Variants in CTNNA1 observed in about 807,000 individuals in gnomAD.
The protein encoded by CTNNA1 is catenin alpha 1.
In CTNNA1, 37 loss-of-function variants were observed where a neutral mutation model predicts 98.4. The observed-to-expected ratio is 0.38, with a 90% confidence interval of 0.29 to 0.49. The LOEUF (loss-of-function observed/expected upper bound fraction) is 0.49, where lower values mean the gene tolerates loss of function less well. Ranked by LOEUF, CTNNA1 falls within the 20% of genes least tolerant of loss-of-function variation. The pLI, the probability that CTNNA1 is intolerant of heterozygous loss-of-function variation, is 0.95. For synonymous variants in CTNNA1, 404 were observed against 413.2 expected (o/e 0.98, Z 0.27); for missense variants, 761 against 1,147.2 (o/e 0.66, Z 4.86).
intron 7 of CTNNA1, among the ~76,000 whole-genome samples, chr5:138,885,581 T>C (rs1355664110): frequency 6.6e-6 from 1 of 152,192 alleles, no homozygotes; most frequent in Admixed American, 6.5e-5. Context: ...CATGCTGTTT[T>C]ACATACCACT....
intron 9 of CTNNA1, among the ~76,000 whole-genome samples, chr5:138,896,400 C>G (rs1001254353): frequency 6.6e-6 from 1 of 152,178 alleles, no homozygotes; most frequent in Non-Finnish European, 1.5e-5. Context: ...TGTGATTTTA[C>G]TTAAAAGCAA....
chr5:138,912,629 C>A (rs1309446091), intron 10 of CTNNA1, among the ~76,000 whole-genome samples: 1 of 152,190 alleles, frequency 6.6e-6, no homozygotes, highest in Admixed American at 6.5e-5. Flanking sequence ...ACCCTTGCCA[C>A]CCTTATGTCA....
chr5:138,926,466 C>T (rs560789925), intron 13 of CTNNA1, among the ~76,000 whole-genome samples: 1 of 152,330 alleles, frequency 6.6e-6, no homozygotes, highest in East Asian at 1.9e-4. Flanking sequence ...AACAGGCGTC[C>T]ACCCACCCAC....
rs1765141362 is a variant in CTNNA1, at chr5:138,930,815, C to T, written c.2193-15C>T. On this transcript the variant is annotated splice_polypyrimidine_tract_variant and intron_variant, in intron 15 of 17. Transcript: ENST00000302763. Reference sequence around the variant, plus strand: ...CTTCACATACAATAATCCTTGTTCTCTTCCCTCTTCTCAGAGGTAAAGGAC... The same window carrying T: ...CTTCACATACAATAATCCTTGTTCTTTTCCCTCTTCTCAGAGGTAAAGGAC... The T allele has an allele frequency of 6.4e-7, 1 of 1,563,866 alleles. No homozygotes were observed. The highest frequency in any genetic ancestry group is 8.8e-7 in the Non-Finnish European group (1 of 1,134,340).
chr5:138,809,076 A>T (rs1207058946), intron 3 of CTNNA1, among the ~76,000 whole-genome samples: 2 of 152,146 alleles, frequency 1.3e-5, no homozygotes, highest in Admixed American at 6.5e-5. Context: ...CCTCAAACAC[A>T]TGGGCTCAAG....
At chr5:138,875,067 T>C in intron 7 of CTNNA1, 1 of 668,836 alleles carries the variant, frequency 1.5e-6, no homozygotes, top group South Asian at 2.0e-5. Flanking sequence ...GGACGAGTTG[T>C]TTTTTCCTTA....
chr5:138,768,736 T>G (rs1346300984), intron 1 of CTNNA1, among the ~76,000 whole-genome samples: 5 of 151,986 alleles, frequency 3.3e-5, no homozygotes, highest in Non-Finnish European at 5.9e-5. Context: ...TCACTGTGCC[T>G]GGCTTGATGA....
At chr5:138,767,075 C>T (rs923212720) in intron 1 of CTNNA1, among the ~76,000 whole-genome samples, 34 of 152,234 alleles carry the variant, frequency 2.2e-4, no homozygotes, top group African/African-American at 7.5e-4. Flanking sequence ...CTCGCTCTGT[C>T]GTCCAGGCTG....
chr5:138,761,479 C>A (rs1828186), intron 1 of CTNNA1, among the ~76,000 whole-genome samples: 4,980 of 152,188 alleles, frequency 0.033, 231 homozygotes, highest in African/African-American at 0.1. Flanking sequence ...TCAAATGATC[C>A]GTCCGCCTCC....
rs1755343946 is a variant in CTNNA1 at position 138,783,365 on chromosome 5, A to G, written c.294A>G (p.Arg98=). 6.2e-7 allele frequency: 1 copy of G among 1,612,828 alleles called. No homozygotes were observed. The highest frequency in any genetic ancestry group is 1.3e-5 in the African/African-American group (1 of 74,898). ...TTGTGGCTGCTGTAGAAGATGTTCGAAAACAAGGTAGGTCATTACTGCTTT... is the reference window on the plus strand; with the variant it reads ...TTGTGGCTGCTGTAGAAGATGTTCGGAAACAAGGTAGGTCATTACTGCTTT... ...EELVAAVEDV[R]KQGDLMKAAA... The change falls in exon 3 of 18, where the codon CGA becomes CGG. Residue 98 remains arginine (R), a synonymous_variant. Coordinates refer to ENST00000302763, the MANE Select transcript of CTNNA1 (RefSeq NM_001903.5).
At chr5:138,818,235 A>G (rs540525750) in intron 5 of CTNNA1, among the ~76,000 whole-genome samples, 9 of 148,884 alleles carry the variant, frequency 6.0e-5, no homozygotes, top group African/African-American at 2.0e-4. Context: ...CAGCCTCCCA[A>G]ATTGCTGGGG....
chr5:138,924,578 G>A lies in CTNNA1; in HGVS notation c.1615G>A (p.Asp539Asn), dbSNP rs547329141. The A allele has an allele frequency of 6.2e-7, 1 of 1,614,060 alleles. No homozygotes were observed. The highest frequency in any genetic ancestry group is 1.1e-5 in the South Asian group (1 of 91,062). The change falls in exon 12 of 18, where the codon GAC (aspartate) becomes AAC (asparagine). Residue 539 changes from aspartate (D) to asparagine (N), a missense_variant. By Grantham distance (23) the Asp-to-Asn change is conservative. Transcript: ENST00000302763. ...ALQEKDVDGL[D>N]RTAGAIRGRA... ...CCAAGAGAAGGATGTGGATGGCCTG[G>A]ACCGCACAGCTGGTGCAATTCGAGG...
At chr5:138,825,368 T>C (rs976634412) in intron 6 of CTNNA1, among the ~76,000 whole-genome samples, 43 of 152,314 alleles carry the variant, frequency 2.8e-4, no homozygotes, top group African/African-American at 9.9e-4. Flanking sequence ...TCATAAATGA[T>C]GCGCTAGGTC....
At chr5:138,859,017 C>T (rs758210224) in intron 7 of CTNNA1, among the ~76,000 whole-genome samples, 85 of 152,214 alleles carry the variant, frequency 5.6e-4, no homozygotes, top group Non-Finnish European at 1.1e-3. Flanking sequence ...GACTTGAGAA[C>T]AGGGCCATCT....
At chr5:138,789,193 C>G (rs3827598) in intron 3 of CTNNA1, among the ~76,000 whole-genome samples, 4 of 152,088 alleles carry the variant, frequency 2.6e-5, no homozygotes, top group East Asian at 1.9e-4. Flanking sequence ...GTTTTTCCCC[C>G]CCCCCAGAGC....
chr5:138,879,430 T>C (rs1311365852), intron 7 of CTNNA1, among the ~76,000 whole-genome samples: 1 of 152,100 alleles, frequency 6.6e-6, no homozygotes, highest in Non-Finnish European at 1.5e-5. Context: ...CTTGTCTCCA[T>C]CCCTTCCTTC....
At chr5:138,776,996 G>A (rs577894039) in intron 1 of CTNNA1, among the ~76,000 whole-genome samples, 187 of 149,710 alleles carry the variant, frequency 1.2e-3, no homozygotes, top group Non-Finnish European at 2.3e-3. Context: ...CCTGGCGGGG[G>A]CTGACCCCCC....
At position 138,934,607 on chromosome 5, in the gene CTNNA1, T is replaced by C. The variant is rs1159096817; in HGVS notation, c.*518T>C. 1 of 153,728 alleles carries C rather than the reference T, an allele frequency of 6.5e-6. No individual in the cohort carries two copies. The highest frequency in any genetic ancestry group is 1.4e-5 in the Non-Finnish European group (1 of 69,038). 9.5% of individuals were successfully genotyped at this position (153,728 alleles called of 1,614,324 possible). Reference sequence around the variant, plus strand: ...TCACTCAGTAAAACATAATGTATCATGAAGAAAACTGATTCTCTATGACAT... The same window carrying C: ...TCACTCAGTAAAACATAATGTATCACGAAGAAAACTGATTCTCTATGACAT... On this transcript the variant is annotated 3_prime_UTR_variant, in exon 18 of 18. Coordinates refer to ENST00000302763, the MANE Select transcript of CTNNA1 (RefSeq NM_001903.5).
At chr5:138,798,834 A>C (rs1247800066) in intron 3 of CTNNA1, among the ~76,000 whole-genome samples, 1 of 152,170 alleles carries the variant, frequency 6.6e-6, no homozygotes, top group African/African-American at 2.4e-5. Flanking sequence ...GTTGACTGGA[A>C]ACAGCTGGGA....
Sources: gnomAD v4.1 joint callset for allele counts (sites outside exome capture counted in the v4.1 genomes callset) on GRCh38, gnomAD v4.1.1 for gene constraint, MANE v1.5 for transcripts, NCBI Gene and HGNC (gene_info 2026-07-23, HGNC 2026-07-21) for gene names.